LMF2: variants seen among roughly 807,000 people sequenced by gnomAD.
LMF2 encodes transmembrane protein 112B.
A neutral mutation model predicts 81.5 loss-of-function variants in LMF2; 113 were observed. The ratio of observed to expected loss-of-function variants is 1.39; its 90% CI spans 1.19 to 1.62. The LOEUF is 1.62. LMF2 is among the 40% of genes most tolerant of loss of function. The pLI, the probability that LMF2 is intolerant of heterozygous loss-of-function variation, is 0.00. For synonymous variants in LMF2, 645 were observed against 424.5 expected, an observed-to-expected ratio of 1.52 and a Z score of -6.39; for missense variants, 1,235 against 929.1, an observed-to-expected ratio of 1.33 and a Z score of -4.28.
In LMF2 at chr22:50,503,139, G is replaced by C. The variant is rs2068450140; in HGVS notation, c.*252C>G. On this transcript the variant is annotated 3_prime_UTR_variant, in exon 14 of 14. Coordinates refer to ENST00000474879, the MANE Select transcript of LMF2 (RefSeq NM_033200.3). ...CAGCCCAGGGCAGGGGAAGGGTCTTGAGCTTGGTCGTGTTTTCCTCCTGGG... is the reference window on the plus strand; with the variant it reads ...CAGCCCAGGGCAGGGGAAGGGTCTTCAGCTTGGTCGTGTTTTCCTCCTGGG... The C allele has an allele frequency of 1.4e-5, 7 of 503,784 alleles. No homozygotes were observed. The highest frequency in any genetic ancestry group is 5.1e-4 in the Middle Eastern group (1 of 1,974). 31.2% of individuals were successfully genotyped at this position (503,784 alleles called of 1,614,324 possible). A position where few individuals can be genotyped will look rare whatever the true frequency, so the allele number is the denominator to read the frequency against.
In LMF2 at chr22:50,503,866, G is replaced by A. The variant is rs1164833870; in HGVS notation, c.1757C>T (p.Pro586Leu). 10 of 1,606,100 alleles carry A rather than the reference G, an allele frequency of 6.2e-6. No homozygotes were observed. The highest frequency in any genetic ancestry group is 1.7e-5 in the Admixed American group (1 of 59,962). ...WRRQWVEEFF[P>L]SVSLGDPTLE... ...CGTGGGGTCCCCCAGGGACACGGAT[G>A]GGAAGAACTCCTCCACCCACTGGCG... The change falls in exon 13 of 14, where the codon CCA becomes CTA. Residue 586 changes from proline to leucine, a missense_variant. By Grantham distance (98) the Pro-to-Leu change is moderately conservative (BLOSUM62 -3). Coordinates refer to ENST00000474879, the MANE Select transcript of LMF2 (RefSeq NM_033200.3).
Position 50,506,283 on chromosome 22 carries a change from A to G in LMF2, c.595+2T>C. 2 of 1,548,786 alleles carry G rather than the reference A, an allele frequency of 1.3e-6. No homozygotes were observed. The highest frequency in any genetic ancestry group is 1.7e-6 in the Non-Finnish European group (2 of 1,146,122). ...ACCCCAGGTCCAGACCGGGCCCCTC[A>G]CCAGTGAGCCCCCACCACGCAGGGC... On this transcript the variant is annotated splice_donor_variant, in intron 4 of 13. Coordinates refer to ENST00000474879, the MANE Select transcript of LMF2 (RefSeq NM_033200.3). LOFTEE classifies it high-confidence loss of function.
Position 50,506,459 on chromosome 22 carries a change from C to T in LMF2, c.421G>A (p.Ala141Thr). 2.6e-6 allele frequency: 4 copies of T among 1,550,922 alleles called. No homozygotes were observed. Among genetic ancestry groups the T allele is most frequent in the Non-Finnish European group, 8.7e-7 (1 of 1,149,120 alleles). The stretch of plus-strand genomic sequence containing the variant: ...CGGTGGGAGGCTGGCCTCAGCGGGG[C>T]CACCAGCACGGCCAGGAAGCCAGTC... Reference protein sequence around the residue: ...LETGFLAVLVAPLRPASHRKE... With the variant: ...LETGFLAVLVTPLRPASHRKE... The change falls in exon 4 of 14, where the codon GCC becomes ACC. Residue 141 changes from alanine (A) to threonine (T), a missense_variant. Physicochemically the swap from Ala to Thr is moderately conservative, Grantham distance 58. Coordinates refer to ENST00000474879, the MANE Select transcript of LMF2 (RefSeq NM_033200.3).
In LMF2 at chr22:50,503,277, T is replaced by C. The variant is rs1232811064; in HGVS notation, c.*114A>G. 9 of 1,163,250 alleles carry C rather than the reference T, an allele frequency of 7.7e-6. No homozygotes were observed. The highest frequency in any genetic ancestry group is 2.8e-5 in the Admixed American group (1 of 36,104). The allele number at this position is 1,163,250 out of a possible 1,614,324, so 72.1% of individuals were successfully genotyped here. On this transcript the variant is annotated 3_prime_UTR_variant, in exon 14 of 14. Coordinates refer to ENST00000474879, the MANE Select transcript of LMF2 (RefSeq NM_033200.3). ...AAACCCCAGGGGCAGCCCCCCAACC[T>C]GTGCCTGGCCCTGCAGGGTCAGCTA...
At chr22:50,505,918 C>G (rs1311424185) in intron 5 of LMF2, 103 bp from the exon 6 acceptor site, 2 of 1,576,104 alleles carry the variant, frequency 1.3e-6, no homozygotes, top group African/African-American at 1.3e-5. Context: ...ACAAGGCCTT[C>G]CCAACAGCGG....
Position 50,503,299 on chromosome 22 carries a change from G to C in LMF2, c.*92C>G, listed in dbSNP as rs1569517771. ...ACCTGTGCCTGGCCCTGCAGGGTCA[G>C]CTAAGGCACAGTGGCTGGGTCCTGT... is the stretch of plus-strand genomic sequence containing the variant. On this transcript the variant is annotated 3_prime_UTR_variant, in exon 14 of 14. Coordinates refer to ENST00000474879, the MANE Select transcript of LMF2 (RefSeq NM_033200.3). 1.4e-6 allele frequency: 2 copies of C among 1,399,870 alleles called. No individual in the cohort carries two copies. The highest frequency in any genetic ancestry group is 2.0e-6 in the Non-Finnish European group (2 of 1,021,436). The allele number at this position is 1,399,870 out of a possible 1,614,324, so 86.7% of individuals were successfully genotyped here.
chr22:50,506,046 AAGC>A lies in LMF2; in HGVS notation c.760_762del (p.Ala254del). ...CGGCCCTCACCCACCTGCGAGTAGA[AAGC>A]AGCCAAGCGCAGGCGTCGAATGGGG... On this transcript the variant is annotated inframe_deletion, in exon 5 of 14. Coordinates refer to ENST00000474879, the MANE Select transcript of LMF2 (RefSeq NM_033200.3). The A allele has an allele frequency of 6.3e-7, 1 of 1,586,584 alleles. No homozygotes were observed. Among genetic ancestry groups the A allele is most frequent in the Non-Finnish European group, 8.6e-7 (1 of 1,166,508 alleles).
rs1246667413 is a variant in LMF2, at chr22:50,503,469, G to A, written c.2046C>T (p.Ser682=). 34 of 1,596,988 alleles carry A rather than the reference G, an allele frequency of 2.1e-5. No homozygotes were observed. The highest frequency in any genetic ancestry group is 2.8e-5 in the Non-Finnish European group (33 of 1,174,808). The stretch of plus-strand genomic sequence containing the variant: ...CGGTGGCCTGTTCGGAGGCAGCTCC[G>A]GAGTCTTTCTGGGAGGCTGGCCTGC... ...EKRRPASQKD[S]GAASEQATAA... Residue 682 remains serine (S), a synonymous_variant, in exon 14 of 14, where the codon TCC becomes TCT. Coordinates refer to ENST00000474879, the MANE Select transcript of LMF2 (RefSeq NM_033200.3).
At position 50,506,276 on chromosome 22, in the gene LMF2, G is replaced by A. The variant is rs1187202942; in HGVS notation, c.595+9C>T. Reference sequence around the variant, plus strand: ...CCAGACTACCCCAGGTCCAGACCGGGCCCCTCACCAGTGAGCCCCCACCAC... The same window carrying A: ...CCAGACTACCCCAGGTCCAGACCGGACCCCTCACCAGTGAGCCCCCACCAC... On this transcript the variant is annotated intron_variant, in intron 4 of 13. Transcript: ENST00000474879. 3.2e-6 allele frequency: 5 copies of A among 1,548,534 alleles called. No homozygotes were observed. The South Asian group carries it at 6.0e-5, about 18-fold the overall frequency.
At position 50,503,111 on chromosome 22, in the gene LMF2, C is replaced by T; in HGVS notation, c.*280G>A. The T allele has an allele frequency of 2.3e-6, 1 of 436,320 alleles. No homozygotes were observed. The highest frequency in any genetic ancestry group is 4.1e-6 in the Non-Finnish European group (1 of 245,734). 27.0% of individuals were successfully genotyped at this position (436,320 alleles called of 1,614,324 possible). A position where few individuals can be genotyped will look rare whatever the true frequency, so the allele number is the denominator to read the frequency against. On this transcript the variant is annotated 3_prime_UTR_variant, in exon 14 of 14. Coordinates refer to ENST00000474879, the MANE Select transcript of LMF2 (RefSeq NM_033200.3). ...GGTTGGGGGCTCTAGACTCAGACCC[C>T]CACAGCCCAGGGCAGGGGAAGGGTC...
At chr22:50,504,495 G>GCC in intron 11 of LMF2, 44 bp from the exon 12 acceptor site, 6 of 1,339,588 alleles carry the variant, frequency 4.5e-6, no homozygotes, top group Non-Finnish European at 5.2e-6. Flanking sequence ...TACCCGCCCT[G>GCC]CCCCTCCCCT....
intron 6 of LMF2, 51 bp downstream of exon 6, chr22:50,505,623 T>A (rs550404892): frequency 9.9e-6 from 16 of 1,610,930 alleles, no homozygotes; most frequent in Non-Finnish European, 1.4e-5. Flanking sequence ...TGTGGGGGTG[T>A]TGGAGGGGAG....
intron 1 of LMF2, chr22:50,507,287 G>C: frequency 3.2e-6 from 2 of 625,976 alleles, no homozygotes; most frequent in Non-Finnish European, 2.8e-6. Context: ...CCCTCTTCCA[G>C]GTCTCAGCCC....
In LMF2 at chr22:50,505,629, G is replaced by A. The variant is rs773407014; in HGVS notation, c.916+45C>T. ...TGGGAGTCCTGTGGGGGTGTTGGAGGGGAGAACCCCTGGGAGGGCAGGGGG... is the reference window on the plus strand; with the variant it reads ...TGGGAGTCCTGTGGGGGTGTTGGAGAGGAGAACCCCTGGGAGGGCAGGGGG... On this transcript the variant is annotated intron_variant, in intron 6 of 13. Transcript: ENST00000474879. The A allele has an allele frequency of 3.7e-6, 6 of 1,611,414 alleles. No individual in the cohort carries two copies. The African/African-American group carries it at 4.0e-5, about 11-fold the overall frequency.
intron 5 of LMF2, 84 bp from the exon 6 acceptor site, chr22:50,505,899 C>G (rs45577642): frequency 2.8e-5 from 44 of 1,583,688 alleles, no homozygotes; most frequent in Admixed American, 2.6e-4. Flanking sequence ...CAGGGTGCAT[C>G]CCTCTGCTAC....
chr22:50,504,435 C>T lies in LMF2; in HGVS notation c.1623G>A (p.Gln541=). 1 of 1,611,948 alleles carries T rather than the reference C, an allele frequency of 6.2e-7. No individual in the cohort carries two copies. Among genetic ancestry groups the T allele is most frequent in the Non-Finnish European group, 8.5e-7 (1 of 1,179,654 alleles). The change falls in exon 12 of 14, where the codon CAG becomes CAA. Residue 541 remains glutamine (Q), a synonymous_variant. Coordinates refer to ENST00000474879, the MANE Select transcript of LMF2 (RefSeq NM_033200.3). ...GGAAGGGATACCTGGCCACTTGGCT[C>T]TGGACAAGGCGGATCACTGCAGCGA... is the stretch of plus-strand genomic sequence containing the variant. ...QGKEPVIRLV[Q]SQVARYPFHK... is the part of the protein sequence containing the mutation.
Position 50,506,908 on chromosome 22 carries a change from C to T in LMF2, c.222G>A (p.Thr74=). The part of the protein sequence containing the change: ...LWEAPRLGLD[T]AQGLELLSLL... ...GGCTCAGCAGCTCCAGGCCCTGGGC[C>T]GTGTCCAGCCCCAGTCTCGGCGCTT... Residue 74 remains threonine, a synonymous_variant, in exon 2 of 14, where the codon ACG becomes ACA. Coordinates refer to ENST00000474879, the MANE Select transcript of LMF2 (RefSeq NM_033200.3). 1.3e-6 allele frequency: 2 copies of T among 1,583,018 alleles called. No individual in the cohort carries two copies. Among genetic ancestry groups the T allele is most frequent in the Admixed American group, 1.8e-5 (1 of 55,818 alleles).
In LMF2 at chr22:50,506,929, C is replaced by T. The variant is rs145369526; in HGVS notation, c.201G>A (p.Ala67=). The change falls in exon 2 of 14, where the codon GCG becomes GCA. Residue 67 remains alanine, a synonymous_variant. Transcript: ENST00000474879. ...LWETPTLLWE[A]PRLGLDTAQG... ...GGGCCGTGTCCAGCCCCAGTCTCGG[C>T]GCTTCCCACAGCAGCGTCGGGGTCT... is the stretch of plus-strand genomic sequence containing the variant. The T allele has an allele frequency of 7.1e-5, 112 of 1,580,236 alleles. No individual in the cohort carries two copies. The highest frequency in any genetic ancestry group is 8.4e-5 in the Non-Finnish European group (98 of 1,166,270).
chr22:50,505,824 G>A lies in LMF2; in HGVS notation c.775-9C>T, dbSNP rs372077175. 293 of 1,612,466 alleles carry A rather than the reference G, an allele frequency of 1.8e-4. No homozygotes were observed. The South Asian group carries it at 2.2e-3, about 12-fold the overall frequency. On this transcript the variant is annotated splice_polypyrimidine_tract_variant and intron_variant, in intron 5 of 13. Transcript: ENST00000474879. ...AGGACCTGCAGCAGCACCTGGGGGC[G>A]GCCCGCTCTCAGTGCTCCCGGAGAC...
Sources: gnomAD v4.1 joint callset for allele counts on GRCh38, gnomAD v4.1.1 for gene constraint, MANE v1.5 for transcripts, NCBI Gene and HGNC (gene_info 2026-07-23, HGNC 2026-07-21) for gene names.